The following KSR2 variants were observed in gnomAD, a reference collection of about 807,000 sequenced individuals.
KSR2 encodes kinase suppressor of ras 2.
Under a neutral mutation model 107.8 loss-of-function variants are expected in KSR2, and 25 were observed. The observed-to-expected ratio is 0.23, with a 90% CI of 0.17 to 0.32. The LOEUF (loss-of-function observed/expected upper bound fraction) is 0.32, where lower values mean the gene tolerates loss of function less well. Ranked by LOEUF, KSR2 falls within the 10% of genes least tolerant of loss-of-function variation. The pLI is 1.00. For synonymous variants in KSR2, 480 were observed against 507.0 expected (o/e 0.95, Z 0.71); for missense variants, 887 against 1,268.9 (o/e 0.70, Z 4.57).
At chr12:117,881,237 A>G (rs763411595) in intron 1 of KSR2, among the ~76,000 whole-genome samples, 24 of 152,276 alleles carry the variant, frequency 1.6e-4, no homozygotes, top group Middle Eastern at 3.4e-3. Flanking sequence ...ACAAATGCCT[A>G]ATTGGTCCAG....
At chr12:117,555,954 CTGTTGTTGT>C (rs55744572) in intron 8 of KSR2, among the ~76,000 whole-genome samples, 5 of 151,328 alleles carry the variant, frequency 3.3e-5, no homozygotes, top group African/African-American at 1.2e-4. Context: ...TACTTGTTAG[CTGTTGTTGT>C]TGTTGTTGTT....
intron 4 of KSR2, chr12:117,674,304 G>A (rs779979531): frequency 2.4e-5 from 12 of 508,854 alleles, no homozygotes; most frequent in African/African-American, 3.9e-5. Context: ...CTGCCTCCTC[G>A]CTGGAATCGC....
At chr12:117,922,571 T>G (rs1386036699) in intron 1 of KSR2, among the ~76,000 whole-genome samples, 1 of 152,194 alleles carries the variant, frequency 6.6e-6, no homozygotes, top group Non-Finnish European at 1.5e-5. Context: ...ATTTGATAGA[T>G]CTGATGACTC....
At chr12:117,569,582 TGGAACATA>T (rs1878744728) in intron 7 of KSR2, among the ~76,000 whole-genome samples, 1 of 152,106 alleles carries the variant, frequency 6.6e-6, no homozygotes, top group African/African-American at 2.4e-5. Context: ...TAACCTCAAC[TGGAACATA>T]GGAACATATA....
At chr12:117,725,995 C>T (rs1313529966) in intron 4 of KSR2, among the ~76,000 whole-genome samples, 1 of 151,858 alleles carries the variant, frequency 6.6e-6, no homozygotes, top group African/African-American at 2.4e-5. Flanking sequence ...GGTGAAGTCC[C>T]ATCTCTACTA....
chr12:117,793,186 GTGCACACATACACA>G (rs1890340097), intron 3 of KSR2, among the ~76,000 whole-genome samples: 1 of 119,456 alleles, frequency 8.4e-6, no homozygotes, highest in African/African-American at 3.5e-5. Context: ...ACACACCAAT[GTGCACACATACACA>G]CCAACATGCA....
rs142802424 is a variant in KSR2 at position 117,760,238 on chromosome 12, A to G, written c.986+773T>C. Among the ~76,000 whole-genome samples the G allele has an allele frequency of 3.6e-3, 553 of 152,372 alleles. 3 individuals carry two copies. The highest frequency in any genetic ancestry group is 0.01 in the Middle Eastern group (3 of 294). ...ACTTTTTGGCTACTGTGAATAGCAC[A>G]GCAACCTGCCTAATCCTCGAGTCTC... On this transcript the variant is annotated intron_variant, in intron 4 of 19. Coordinates refer to ENST00000339824, the MANE Select transcript of KSR2 (RefSeq NM_173598.6).
intron 3 of KSR2, among the ~76,000 whole-genome samples, chr12:117,767,718 G>GAGCTTGCAGTGAGCCGA (rs1889290275): frequency 1.3e-5 from 2 of 150,150 alleles, no homozygotes; most frequent in African/African-American, 4.9e-5. Flanking sequence ...CCGGGAGGCG[G>GAGCTTGCAGTGAGCCGA]AGCTTGCAGT....
At chr12:117,787,891 C>A (rs1263660225) in intron 3 of KSR2, among the ~76,000 whole-genome samples, 2 of 152,198 alleles carry the variant, frequency 1.3e-5, no homozygotes, top group African/African-American at 4.8e-5. Context: ...CTTGAGATAC[C>A]TTTCAACTCA....
chr12:117,694,137 G>A lies in KSR2; in HGVS notation c.987-26479C>T, dbSNP rs555333144. ...ATGCAGCTGCTGTGGCAAACACCAC[G>A]GCAGTTCCTCTAAAAATTGAAAACA... On this transcript the variant is annotated intron_variant, in intron 4 of 19. Transcript: ENST00000339824. 5.9e-4 allele frequency among the ~76,000 whole-genome samples: 89 copies of A among 152,130 alleles called. 1 individual carries two copies. The South Asian group carries it at 0.017, about 29-fold the overall frequency.
rs182409044 is a variant in KSR2 at position 117,643,868 on chromosome 12, T to G, written c.1171+23606A>C. Among the ~76,000 whole-genome samples the G allele has an allele frequency of 1.8e-4, 27 of 152,300 alleles. No individual in the cohort carries two copies. In the East Asian group the frequency reaches 4.1e-3, roughly 23 times the overall value. ...AAATCTTAGGTATGGGCTTGACAATTTTATTCTTAACACTACCGCACGATG... is the reference window on the plus strand; with the variant it reads ...AAATCTTAGGTATGGGCTTGACAATGTTATTCTTAACACTACCGCACGATG... On this transcript the variant is annotated intron_variant, in intron 5 of 19. Coordinates refer to ENST00000339824, the MANE Select transcript of KSR2 (RefSeq NM_173598.6).
At chr12:117,575,396 T>C (rs1879221126) in intron 7 of KSR2, among the ~76,000 whole-genome samples, 2 of 152,238 alleles carry the variant, frequency 1.3e-5, no homozygotes, top group South Asian at 2.1e-4. Flanking sequence ...TTTCATTTTA[T>C]TGACATTCAG....
chr12:117,569,515 C>G (rs751267898), intron 7 of KSR2, among the ~76,000 whole-genome samples: 7 of 152,148 alleles, frequency 4.6e-5, no homozygotes, highest in Non-Finnish European at 5.9e-5. Flanking sequence ...TTCCAAACAC[C>G]ATGTCTTACC....
chr12:117,594,095 T>A (rs753294946), intron 5 of KSR2, among the ~76,000 whole-genome samples: 23 of 152,210 alleles, frequency 1.5e-4, no homozygotes, highest in Admixed American at 1.2e-3. Context: ...ATCGGAGTTG[T>A]CTGAGCTGAA....
rs1378216944 is a variant in KSR2 at position 117,959,963 on chromosome 12, T to C, written c.180+8113A>G. Among the ~76,000 whole-genome samples the C allele has an allele frequency of 1.3e-5, 2 of 151,548 alleles. 1 individual carries two copies. On this transcript the variant is annotated intron_variant, in intron 1 of 19. Transcript: ENST00000339824. ...AAAAAAAAAAAAAACTTCAAGTACC[T>C]TAGCGTCTTAGCAAAGCCCCCTATG...
chr12:117,948,168 G>A (rs371953229), intron 1 of KSR2, among the ~76,000 whole-genome samples: 4 of 152,034 alleles, frequency 2.6e-5, no homozygotes, highest in Non-Finnish European at 4.4e-5. Flanking sequence ...ATTACAATAG[G>A]CCAGGCACAG....
At chr12:117,672,693 C>T (rs1465266003) in intron 4 of KSR2, among the ~76,000 whole-genome samples, 3 of 151,892 alleles carry the variant, frequency 2.0e-5, no homozygotes, top group African/African-American at 4.8e-5. Flanking sequence ...GGTACGATCT[C>T]GGCCCACCAC....
chr12:117,848,797 G>A (rs543344886), intron 3 of KSR2, among the ~76,000 whole-genome samples: 42 of 145,880 alleles, frequency 2.9e-4, no homozygotes, highest in African/African-American at 1.1e-3. Flanking sequence ...TGGTGATGGT[G>A]GTAACAACAG....
intron 1 of KSR2, among the ~76,000 whole-genome samples, chr12:117,863,906 C>G (rs548237339): frequency 6.6e-5 from 10 of 152,250 alleles, no homozygotes; most frequent in Non-Finnish European, 1.2e-4. Context: ...CCTCCTACTT[C>G]CCTCTTATAC....
Sources: allele counts gnomAD v4.1 joint callset (sites outside exome capture counted in the v4.1 genomes callset), GRCh38; gene constraint gnomAD v4.1.1; transcripts MANE v1.5; gene names NCBI Gene and HGNC (gene_info 2026-07-23, HGNC 2026-07-21).